Variants in PLPPR5 observed in about 807,000 individuals in gnomAD.
PLPPR5 encodes the protein phospholipid phosphatase-related protein type 5.
Under a neutral mutation model 33.9 loss-of-function variants are expected in PLPPR5, and 16 were observed. That is an observed-to-expected ratio of 0.47 (90% CI 0.32 to 0.72). The LOEUF (loss-of-function observed/expected upper bound fraction) is 0.72, where lower values mean the gene tolerates loss of function less well. Ranked by LOEUF, PLPPR5 falls within the 30% of genes least tolerant of loss-of-function variation. The probability of loss-of-function intolerance (pLI) is 0.03; values close to 1 mark genes in which losing one functional copy is unlikely to be tolerated. For missense variants in PLPPR5, 301 were observed against 406.7 expected, an observed-to-expected ratio of 0.74 and a Z score of 2.23; for synonymous variants, 163 against 150.3, an observed-to-expected ratio of 1.08 and a Z score of -0.62.
At chr1:98,902,437 A>AT (rs1213910880) in intron 5 of PLPPR5, among the ~76,000 whole-genome samples, 1 of 152,082 alleles carries the variant, frequency 6.6e-6, no homozygotes, top group East Asian at 1.9e-4. Flanking sequence ...GCTTATTCAG[A>AT]TTTTCAGATC....
At chr1:98,930,626 C>T (rs1649928890) in intron 3 of PLPPR5, among the ~76,000 whole-genome samples, 1 of 152,272 alleles carries the variant, frequency 6.6e-6, no homozygotes. Flanking sequence ...ACACTAATTT[C>T]AATACATATA....
At chr1:98,907,321 C>T (rs1263714555) in intron 5 of PLPPR5, among the ~76,000 whole-genome samples, 1 of 151,062 alleles carries the variant, frequency 6.6e-6, no homozygotes, top group Non-Finnish European at 1.5e-5. Flanking sequence ...CCTGCTTCAG[C>T]TTCCCAAGTA....
intron 1 of PLPPR5, among the ~76,000 whole-genome samples, chr1:98,994,702 T>A (rs78950909): frequency 8.5e-5 from 13 of 152,230 alleles, no homozygotes; most frequent in African/African-American, 3.1e-4. Context: ...CAGCATTTTA[T>A]CAGAAAGGTC....
Position 98,890,551 on chromosome 1 carries a change from T to C in PLPPR5, c.*2521A>G, listed in dbSNP as rs1648236744. 1 of 152,552 alleles carries C rather than the reference T, an allele frequency of 6.6e-6. No individual in the cohort carries two copies. The highest frequency in any genetic ancestry group is 1.5e-5 in the Non-Finnish European group (1 of 68,002). The allele number at this position is 152,552 out of a possible 1,614,324, so 9.4% of individuals were successfully genotyped here. A position where few individuals can be genotyped will look rare whatever the true frequency, so the allele number is the denominator to read the frequency against. On this transcript the variant is annotated 3_prime_UTR_variant, in exon 6 of 6. Transcript: ENST00000263177. Reference sequence around the variant, plus strand: ...TACCGAAATTTTCAAGTTGACTAAATTATACTGACCTGGGCCCCAAGTAAG... The same window carrying C: ...TACCGAAATTTTCAAGTTGACTAAACTATACTGACCTGGGCCCCAAGTAAG...
At chr1:98,934,208 G>A (rs900333094) in intron 3 of PLPPR5, among the ~76,000 whole-genome samples, 45 of 152,106 alleles carry the variant, frequency 3.0e-4, no homozygotes, top group African/African-American at 9.9e-4. Context: ...CTGGGAACTG[G>A]AGCTTGGGTG....
At chr1:98,930,582 T>G (rs1326294661) in intron 3 of PLPPR5, among the ~76,000 whole-genome samples, 1 of 152,162 alleles carries the variant, frequency 6.6e-6, no homozygotes, top group Admixed American at 6.5e-5. Flanking sequence ...ACATTATAGG[T>G]TTGTGATCAG....
At chr1:98,968,577 G>GA (rs959667705) in intron 1 of PLPPR5, among the ~76,000 whole-genome samples, 11 of 151,476 alleles carry the variant, frequency 7.3e-5, no homozygotes, top group South Asian at 2.1e-4. Flanking sequence ...TATTTTCTAG[G>GA]AAAAAAAATT....
chr1:98,972,736 G>A (rs1347921533), intron 1 of PLPPR5, among the ~76,000 whole-genome samples: 5 of 151,952 alleles, frequency 3.3e-5, no homozygotes, highest in Admixed American at 6.6e-5. Flanking sequence ...ATCTTCAGGG[G>A]AGTCAGGGCC....
intron 1 of PLPPR5, among the ~76,000 whole-genome samples, chr1:98,968,348 G>A (rs192847425): frequency 6.6e-6 from 1 of 151,890 alleles, no homozygotes; most frequent in Non-Finnish European, 1.5e-5. Context: ...TAGTATGTGG[G>A]TTATTAGTAA....
At chr1:98,960,706 A>G (rs1490911670) in intron 1 of PLPPR5, among the ~76,000 whole-genome samples, 1 of 152,166 alleles carries the variant, frequency 6.6e-6, no homozygotes, top group Non-Finnish European at 1.5e-5. Flanking sequence ...ACTGGTTTGG[A>G]CAATACATGC....
At position 98,898,217 on chromosome 1, in the gene PLPPR5, T is replaced by A. The variant is rs2000138; in HGVS notation, c.934-5113A>T. Among the ~76,000 whole-genome samples, 707 of 152,300 alleles carry A rather than the reference T, an allele frequency of 4.6e-3. 3 individuals carry two copies. Among genetic ancestry groups the A allele is most frequent in the Non-Finnish European group, 8.1e-3 (551 of 68,010 alleles). ...CTGTGATTACAATTGTTGCTCCAGA[T>A]GCTGCTTGTGTAACCAAATATACAT... On this transcript the variant is annotated intron_variant, in intron 5 of 5. Coordinates refer to ENST00000263177, the MANE Select transcript of PLPPR5 (RefSeq NM_001037317.2).
At chr1:98,931,555 A>T (rs941630978) in intron 3 of PLPPR5, among the ~76,000 whole-genome samples, 1 of 152,186 alleles carries the variant, frequency 6.6e-6, no homozygotes, top group African/African-American at 2.4e-5. Flanking sequence ...GGAGTCAAGG[A>T]TCCTTTCTCC....
chr1:98,950,445 A>T lies in PLPPR5; in HGVS notation c.621+2625T>A, dbSNP rs191099097. On this transcript the variant is annotated intron_variant, in intron 3 of 5. Coordinates refer to ENST00000263177, the MANE Select transcript of PLPPR5 (RefSeq NM_001037317.2). ...CCAATTTTTATTATAGAACAGTATG[A>T]TTTATAATTCAGAAGTTTATAAAAC... Among the ~76,000 whole-genome samples, 144 of 152,308 alleles carry T rather than the reference A, an allele frequency of 9.5e-4. 2 individuals carry two copies. The highest frequency in any genetic ancestry group is 1.8e-3 in the Non-Finnish European group (123 of 68,022).
Position 99,004,688 on chromosome 1 carries a change from G to A in PLPPR5, c.-17C>T. ...CAGGGGCATGCACGCCTCCCGGGCC[G>A]GGCCGAGCCGAGCCGAGCGGGCGGT... On this transcript the variant is annotated 5_prime_UTR_variant, in exon 1 of 6. Coordinates refer to ENST00000263177, the MANE Select transcript of PLPPR5 (RefSeq NM_001037317.2). 6 of 1,541,428 alleles carry A rather than the reference G, an allele frequency of 3.9e-6. No individual in the cohort carries two copies. The highest frequency in any genetic ancestry group is 4.4e-6 in the Non-Finnish European group (5 of 1,142,256).
At chr1:98,940,616 T>A (rs1295200920) in intron 3 of PLPPR5, among the ~76,000 whole-genome samples, 1 of 151,808 alleles carries the variant, frequency 6.6e-6, no homozygotes, top group Non-Finnish European at 1.5e-5. Context: ...TTATAACTCA[T>A]GCTTTAGGGG....
At chr1:99,001,679 T>C (rs189586518) in intron 1 of PLPPR5, among the ~76,000 whole-genome samples, 4 of 140,616 alleles carry the variant, frequency 2.8e-5, no homozygotes, top group Non-Finnish European at 6.2e-5. Context: ...AAGATATATA[T>C]ATATATATAT....
intron 5 of PLPPR5, among the ~76,000 whole-genome samples, chr1:98,908,938 A>G (rs561956864): frequency 1.3e-5 from 2 of 152,298 alleles, no homozygotes; most frequent in South Asian, 4.1e-4. Context: ...AGTCAATCCA[A>G]TGAGGAAGCA....
Position 98,892,820 on chromosome 1 carries a change from T to A in PLPPR5, c.*252A>T. On this transcript the variant is annotated 3_prime_UTR_variant, in exon 6 of 6. Coordinates refer to ENST00000263177, the MANE Select transcript of PLPPR5 (RefSeq NM_001037317.2). Reference sequence around the variant, plus strand: ...GAATTTTGTTCATTTGGTCATCACATTTTTGTTGAACACCTACTTTGTGCT... The same window carrying A: ...GAATTTTGTTCATTTGGTCATCACAATTTTGTTGAACACCTACTTTGTGCT... The A allele has an allele frequency of 2.7e-6, 1 of 364,736 alleles. No individual in the cohort carries two copies. The highest frequency in any genetic ancestry group is 7.9e-5 in the South Asian group (1 of 12,580). 22.6% of individuals were successfully genotyped at this position (364,736 alleles called of 1,614,324 possible).
rs535891870 is a variant in PLPPR5 at position 98,890,570 on chromosome 1, A to T, written c.*2502T>A. On this transcript the variant is annotated 3_prime_UTR_variant, in exon 6 of 6. Coordinates refer to ENST00000263177, the MANE Select transcript of PLPPR5 (RefSeq NM_001037317.2). Reference sequence around the variant, plus strand: ...ACTAAATTATACTGACCTGGGCCCCAAGTAAGTAGAATAAAAAGGAGATGT... The same window carrying T: ...ACTAAATTATACTGACCTGGGCCCCTAGTAAGTAGAATAAAAAGGAGATGT... 9 of 152,590 alleles carry T rather than the reference A, an allele frequency of 5.9e-5. No homozygotes were observed. The highest frequency in any genetic ancestry group is 1.3e-4 in the Non-Finnish European group (9 of 68,018). The allele number at this position is 152,590 out of a possible 1,614,324, so 9.5% of individuals were successfully genotyped here. A position where few individuals can be genotyped will look rare whatever the true frequency, so the allele number is the denominator to read the frequency against.
Sources: gnomAD v4.1 joint callset for allele counts (sites outside exome capture counted in the v4.1 genomes callset) on GRCh38, gnomAD v4.1.1 for gene constraint, MANE v1.5 for transcripts, NCBI Gene and HGNC (gene_info 2026-07-23, HGNC 2026-07-21) for gene names.